Variants in HDAC8 observed in about 807,000 individuals in gnomAD.
HDAC8 encodes histone deacetylase-like 1.
Under a neutral mutation model 32.2 loss-of-function variants are expected in HDAC8, and 1 was observed. The ratio of observed to expected loss-of-function variants is 0.03; its 90% CI spans 0.01 to 0.15. The LOEUF (loss-of-function observed/expected upper bound fraction) is 0.15, where lower values mean the gene tolerates loss of function less well. HDAC8 is among the 10% of genes least tolerant of loss of function. The probability of loss-of-function intolerance (pLI) is 1.00; values close to 1 mark genes in which losing one functional copy is unlikely to be tolerated. For missense variants in HDAC8, 117 were observed against 300.0 expected, an observed-to-expected ratio of 0.39 and a Z score of 4.51; for synonymous variants, 108 against 113.9, an observed-to-expected ratio of 0.95 and a Z score of 0.33.
intron 4 of HDAC8, among the ~76,000 whole-genome samples, chrX:72,565,475 T>A (rs990763669): frequency 1.8e-5 from 2 of 111,970 alleles, no homozygotes; most frequent in East Asian, 5.6e-4. Context: ...AGCTGAAAGA[T>A]GTCTACAACA....
At chrX:72,451,559 T>C (rs1406052950) in intron 9 of HDAC8, among the ~76,000 whole-genome samples, 1 of 112,242 alleles carries the variant, frequency 8.9e-6, no homozygotes, top group Admixed American at 9.4e-5. Flanking sequence ...AAAAGATACA[T>C]TATATACAGG....
rs189664251 is a variant in HDAC8, at chrX:72,471,694, C to T, written c.738-6963G>A. Among the ~76,000 whole-genome samples, 4 of 111,428 alleles carry T rather than the reference C, an allele frequency of 3.6e-5. No individual in the cohort carries two copies. In the East Asian group the frequency reaches 8.4e-4, roughly 23 times the overall value. ...TTCAACCCTTTGCCCATTTTCAAAC[C>T]GGGTTGTCTTTTTAATATGGAGTTG... On this transcript the variant is annotated intron_variant, in intron 7 of 10. Transcript: ENST00000373573.
At chrX:72,465,390 A>G (rs1166930608) in intron 7 of HDAC8, among the ~76,000 whole-genome samples, 1 of 110,997 alleles carries the variant, frequency 9.0e-6, no homozygotes, top group African/African-American at 3.3e-5. Flanking sequence ...AATTTTGGAT[A>G]GAATCATTCA....
intron 10 of HDAC8, among the ~76,000 whole-genome samples, chrX:72,344,822 C>G (rs782066382): frequency 8.9e-6 from 1 of 111,801 alleles, no homozygotes; most frequent in East Asian, 2.8e-4. Flanking sequence ...TATTTTACCA[C>G]CACTATTCTA....
At chrX:72,510,935 A>T (rs1251950085) in intron 4 of HDAC8, among the ~76,000 whole-genome samples, 1 of 111,765 alleles carries the variant, frequency 8.9e-6, no homozygotes, top group Non-Finnish European at 1.9e-5. Context: ...GAAAGAAGCA[A>T]ATAAGAAGAA....
At chrX:72,489,938 C>T (rs1295761029) in intron 6 of HDAC8, among the ~76,000 whole-genome samples, 1 of 111,349 alleles carries the variant, frequency 9.0e-6, no homozygotes, top group African/African-American at 3.3e-5. Flanking sequence ...AAAAAGTGGG[C>T]GAAGGACATG....
chrX:72,331,468 T>C, intron 10 of HDAC8, among the ~76,000 whole-genome samples: 1 of 111,518 alleles, frequency 9.0e-6, no homozygotes, highest in Non-Finnish European at 1.9e-5. Flanking sequence ...GCCATATAAA[T>C]GCAATCAAAC....
At chrX:72,481,361 G>T (rs1370294683) in intron 7 of HDAC8, among the ~76,000 whole-genome samples, 1 of 111,265 alleles carries the variant, frequency 9.0e-6, no homozygotes, top group Non-Finnish European at 1.9e-5. Flanking sequence ...ATTTGGGTGG[G>T]GACACAAAGC....
At chrX:72,467,407 G>GT (rs2048050261) in intron 7 of HDAC8, 1 of 111,412 alleles carries the variant, frequency 9.0e-6, no homozygotes, top group Non-Finnish European at 1.9e-5. Context: ...TGCAATAAAA[G>GT]TTTTTTTAAA....
At chrX:72,571,274 G>A (rs868963566) in intron 2 of HDAC8, among the ~76,000 whole-genome samples, 1 of 111,374 alleles carries the variant, frequency 9.0e-6, no homozygotes, top group Non-Finnish European at 1.9e-5. Context: ...TTTGGTGCTG[G>A]TGGTGGGTTG....
intron 4 of HDAC8, among the ~76,000 whole-genome samples, chrX:72,527,705 A>G (rs1556033106): frequency 9.1e-6 from 1 of 110,134 alleles, no homozygotes; most frequent in African/African-American, 3.3e-5. Flanking sequence ...TTCCTGACAT[A>G]CAGCATGTAC....
chrX:72,356,299 G>T (rs2044358508), intron 9 of HDAC8, among the ~76,000 whole-genome samples: 1 of 111,260 alleles, frequency 9.0e-6, no homozygotes, highest in Non-Finnish European at 1.9e-5. Context: ...GAGGCAGAGA[G>T]TATGAAACAT....
chrX:72,358,701 C>CTAG (rs2044445754), intron 9 of HDAC8, among the ~76,000 whole-genome samples: 1 of 112,468 alleles, frequency 8.9e-6, no homozygotes, highest in Non-Finnish European at 1.9e-5. Flanking sequence ...AAGAAGGAGA[C>CTAG]TAGTGTATAC....
At chrX:72,477,226 G>A (rs994405606) in intron 7 of HDAC8, among the ~76,000 whole-genome samples, 3 of 111,642 alleles carry the variant, frequency 2.7e-5, no homozygotes, top group East Asian at 2.8e-4. Context: ...GAACATTTAC[G>A]TGTATATTTA....
intron 4 of HDAC8, among the ~76,000 whole-genome samples, chrX:72,499,740 C>T (rs1426759327): frequency 9.0e-6 from 1 of 111,134 alleles, no homozygotes; most frequent in Non-Finnish European, 1.9e-5. Context: ...ATTAGAGAAG[C>T]AAGAACAAAT....
intron 5 of HDAC8, among the ~76,000 whole-genome samples, chrX:72,494,593 AAG>A (rs1417540449): frequency 2.7e-5 from 3 of 111,496 alleles, no homozygotes; most frequent in Non-Finnish European, 5.7e-5. Context: ...GGAGTCTTCT[AAG>A]AGAGGATTAA....
chrX:72,552,630 T>C (rs782319395), intron 4 of HDAC8, among the ~76,000 whole-genome samples: 48 of 106,451 alleles, frequency 4.5e-4, no homozygotes, highest in Middle Eastern at 4.8e-3. Context: ...AAAAAAAAAA[T>C]TTAGCTAGGT....
intron 7 of HDAC8, among the ~76,000 whole-genome samples, chrX:72,486,022 T>C (rs1223448614): frequency 9.0e-6 from 1 of 110,703 alleles, no homozygotes; most frequent in East Asian, 2.8e-4. Flanking sequence ...CTGGGGAGGC[T>C]GAGGCAGGAG....
chrX:72,409,662 C>A (rs1259493422), intron 9 of HDAC8, among the ~76,000 whole-genome samples: 2 of 112,774 alleles, frequency 1.8e-5, no homozygotes, highest in African/African-American at 6.4e-5. Flanking sequence ...CACTTAGACA[C>A]CTTTCTAATC....
Sources: gnomAD v4.1 joint callset for allele counts (sites outside exome capture counted in the v4.1 genomes callset) on GRCh38, gnomAD v4.1.1 for gene constraint, MANE v1.5 for transcripts, NCBI Gene and HGNC (gene_info 2026-07-23, HGNC 2026-07-21) for gene names.